The following MICAL2 variants were observed in gnomAD, a reference collection of about 807,000 sequenced individuals.
MICAL2 encodes the protein microtubule associated monooxygenase, calponin and LIM domain containing 2.
Under a neutral mutation model 127.3 loss-of-function variants are expected in MICAL2, and 77 were observed. The observed-to-expected ratio is 0.60, with a 90% CI of 0.50 to 0.73. The LOEUF (loss-of-function observed/expected upper bound fraction) is 0.73. Among genes scored for constraint, MICAL2 ranks in the 30% least tolerant of loss-of-function variants. MICAL2 has a pLI of 0.00. For synonymous variants in MICAL2, 570 were observed against 551.1 expected, an observed-to-expected ratio of 1.03 and a Z score of -0.48; for missense variants, 1,351 against 1,434.4, an observed-to-expected ratio of 0.94 and a Z score of 0.94.
chr11:12,339,008 C>A (rs971158079), intron 32 of MICAL2, among the ~76,000 whole-genome samples: 31 of 152,316 alleles, frequency 2.0e-4, no homozygotes, highest in African/African-American at 7.0e-4. Flanking sequence ...GCCTGCCTTG[C>A]TAGATTGGGG....
At chr11:12,226,695 G>A (rs1326678790) in intron 14 of MICAL2, among the ~76,000 whole-genome samples, 3 of 140,720 alleles carry the variant, frequency 2.1e-5, no homozygotes, top group Admixed American at 7.3e-5. Flanking sequence ...CTTTGTCGCC[G>A]AGGCTGGAGT....
intron 1 of MICAL2, among the ~76,000 whole-genome samples, chr11:12,135,077 C>T (rs574147306): frequency 2.0e-5 from 3 of 152,300 alleles, no homozygotes; most frequent in East Asian, 1.9e-4. Flanking sequence ...TGGCCTGGAG[C>T]ATGTGCACAC....
At chr11:12,258,109 A>G (rs1488903605) in intron 24 of MICAL2, among the ~76,000 whole-genome samples, 1 of 152,216 alleles carries the variant, frequency 6.6e-6, no homozygotes, top group Admixed American at 6.5e-5. Context: ...AGGAGCAGCC[A>G]GATGGAAAAG....
upstream of MICAL2, among the ~76,000 whole-genome samples, chr11:12,273,040 G>A (rs1356310910): frequency 6.6e-6 from 1 of 152,210 alleles, no homozygotes; most frequent in Admixed American, 6.5e-5. Context: ...TAGGGAGGGA[G>A]AAAAGAACTG....
chr11:12,155,223 T>C (rs190606502), intron 2 of MICAL2, among the ~76,000 whole-genome samples: 15 of 152,292 alleles, frequency 9.8e-5, no homozygotes, highest in Admixed American at 7.8e-4. Context: ...CAGATGAAGA[T>C]ATGGAGTGCT....
At chr11:12,231,168 G>T (rs927576507) in intron 15 of MICAL2, among the ~76,000 whole-genome samples, 1 of 152,210 alleles carries the variant, frequency 6.6e-6, no homozygotes, top group African/African-American at 2.4e-5. Context: ...GCCACACATG[G>T]TGACACCTGT....
At chr11:12,291,795 A>G (rs1459585282), downstream of MICAL2, among the ~76,000 whole-genome samples, 3 of 152,214 alleles carry the variant, frequency 2.0e-5, no homozygotes, top group African/African-American at 4.8e-5. Context: ...AACACAGCCC[A>G]GCTCCCAACC....
chr11:12,184,072 G>A (rs995447503), intron 3 of MICAL2, among the ~76,000 whole-genome samples: 14 of 152,190 alleles, frequency 9.2e-5, no homozygotes, highest in Admixed American at 4.6e-4. Context: ...GAGCCACCAC[G>A]TCGGATCTTG....
At chr11:12,132,226 T>C (rs1851477367) in intron 1 of MICAL2, among the ~76,000 whole-genome samples, 1 of 152,194 alleles carries the variant, frequency 6.6e-6, no homozygotes, top group Non-Finnish European at 1.5e-5. Flanking sequence ...GGTTGAATAA[T>C]CTTTCCTGGC....
chr11:12,301,183 C>G (rs772225703), intron 29 of MICAL2, among the ~76,000 whole-genome samples: 9 of 152,134 alleles, frequency 5.9e-5, no homozygotes, highest in African/African-American at 9.7e-5. Context: ...AAAGACCAGC[C>G]CCCATGATTC....
intron 3 of MICAL2, among the ~76,000 whole-genome samples, chr11:12,167,948 C>T (rs1421856170): frequency 6.6e-6 from 1 of 152,094 alleles, no homozygotes; most frequent in African/African-American, 2.4e-5. Flanking sequence ...AGTTGTTAAT[C>T]CAGGTTTACT....
chr11:12,353,604 C>G lies in MICAL2; in HGVS notation c.5616-1180C>G, dbSNP rs144908859. Among the ~76,000 whole-genome samples the G allele has an allele frequency of 2.0e-3, 298 of 152,252 alleles. 1 individual carries two copies. Among genetic ancestry groups the G allele is most frequent in the African/African-American group, 6.9e-3 (285 of 41,546 alleles). ...GCCTCCACATTACCACATGGGCTAG[C>G]CTGTGGGGAGCTCACACACCCACGG... is the stretch of plus-strand genomic sequence containing the variant. On this transcript the variant is annotated intron_variant, in intron 33 of 34. Coordinates refer to the MICAL2 transcript ENST00000646065.
intron 4 of MICAL2, among the ~76,000 whole-genome samples, chr11:12,206,991 CT>C (rs1854773492): frequency 1.3e-5 from 2 of 151,246 alleles, no homozygotes; most frequent in African/African-American, 4.9e-5. Flanking sequence ...TTGGTCCATG[CT>C]TTCCATTCAA....
chr11:12,137,937 C>A (rs1045060669), intron 1 of MICAL2, among the ~76,000 whole-genome samples: 1 of 152,212 alleles, frequency 6.6e-6, no homozygotes, highest in Non-Finnish European at 1.5e-5. Flanking sequence ...GGTGCACTTT[C>A]ATAACTCCCT....
At chr11:12,135,482 C>T (rs1851763174) in intron 1 of MICAL2, among the ~76,000 whole-genome samples, 1 of 152,146 alleles carries the variant, frequency 6.6e-6, no homozygotes, top group Non-Finnish European at 1.5e-5. Flanking sequence ...ACAGACATCA[C>T]CTCCAAGCAC....
At chr11:12,138,041 A>G (rs1396512923) in intron 1 of MICAL2, among the ~76,000 whole-genome samples, 1 of 152,216 alleles carries the variant, frequency 6.6e-6, no homozygotes, top group African/African-American at 2.4e-5. Flanking sequence ...TGTGTCTCAC[A>G]CTTAAAAATT....
At chr11:12,131,677 A>C (rs1328662642) in intron 1 of MICAL2, among the ~76,000 whole-genome samples, 1 of 152,090 alleles carries the variant, frequency 6.6e-6, no homozygotes, top group Non-Finnish European at 1.5e-5. Context: ...CTGCTTCCTG[A>C]AGGGAAGGCA....
At chr11:12,121,705 T>G (rs908703802) in intron 1 of MICAL2, 54 of 152,338 alleles carry the variant, frequency 3.5e-4, no homozygotes, top group African/African-American at 1.3e-3. Context: ...GGGAGGTGGA[T>G]AAAGGCTGAG....
intron 3 of MICAL2, chr11:12,197,817 A>T (rs1284537089): frequency 6.6e-6 from 1 of 152,260 alleles, no homozygotes; most frequent in Non-Finnish European, 1.5e-5. Flanking sequence ...GTCATGGAGG[A>T]GGAGAGCACT....
Sources: allele counts gnomAD v4.1 joint callset (sites outside exome capture counted in the v4.1 genomes callset), GRCh38; gene constraint gnomAD v4.1.1; transcripts MANE v1.5; gene names NCBI Gene and HGNC (gene_info 2026-07-23, HGNC 2026-07-21).